HEPHL1: variants seen among roughly 807,000 people sequenced by gnomAD.
The protein encoded by HEPHL1 is hephaestin like 1.
In HEPHL1, 123 loss-of-function variants were observed where a neutral mutation model predicts 122.0. That is an observed-to-expected ratio of 1.01 (90% CI 0.87 to 1.17). The LOEUF is 1.17. Among genes scored for constraint, HEPHL1 ranks in the 50% most tolerant of loss-of-function variants. HEPHL1 has a pLI of 0.00. For missense variants in HEPHL1, 1,452 were observed against 1,430.5 expected, an observed-to-expected ratio of 1.01 and a Z score of -0.24; for synonymous variants, 527 against 508.9, an observed-to-expected ratio of 1.04 and a Z score of -0.48.
intron 5 of HEPHL1, 136 bp from the exon 6 acceptor site, chr11:94,070,238 T>A (rs1946062906): frequency 1.4e-6 from 1 of 722,144 alleles, no homozygotes; most frequent in African/African-American, 1.8e-5. Flanking sequence ...TTATCCTTTT[T>A]AAAAAAACTT....
intron 13 of HEPHL1, among the ~76,000 whole-genome samples, chr11:94,097,525 T>A (rs1946327980): frequency 6.6e-6 from 1 of 152,230 alleles, no homozygotes; most frequent in African/African-American, 2.4e-5. Flanking sequence ...TGTAGGTGTC[T>A]ATCAGCTCTG....
At chr11:94,084,363 AATAAATAAATAAATAT>A (rs1946199075) in intron 10 of HEPHL1, among the ~76,000 whole-genome samples, 1 of 148,912 alleles carries the variant, frequency 6.7e-6, no homozygotes, top group African/African-American at 2.5e-5. Context: ...TAAATAAATA[AATAAATAAATAAATAT>A]ATAAATACAG....
intron 1 of HEPHL1, among the ~76,000 whole-genome samples, chr11:94,028,423 C>T (rs1179246846): frequency 6.6e-6 from 1 of 152,158 alleles, no homozygotes; most frequent in African/African-American, 2.4e-5. Context: ...ACCTGGAAGT[C>T]CAACTCTGTA....
At chr11:94,038,291 A>T (rs1247903685) in intron 1 of HEPHL1, among the ~76,000 whole-genome samples, 1 of 147,028 alleles carries the variant, frequency 6.8e-6, no homozygotes, top group Non-Finnish European at 1.5e-5. Context: ...GTTGGAAAAC[A>T]CTCTGCAGGA....
chr11:94,078,831 A>T (rs1565356575), intron 9 of HEPHL1, among the ~76,000 whole-genome samples: 2 of 152,082 alleles, frequency 1.3e-5, no homozygotes, highest in Non-Finnish European at 2.9e-5. Context: ...CAGTCTACTG[A>T]TTCAATTGTT....
intron 1 of HEPHL1, among the ~76,000 whole-genome samples, chr11:94,030,012 A>C (rs1328223117): frequency 6.6e-6 from 1 of 152,218 alleles, no homozygotes; most frequent in Non-Finnish European, 1.5e-5. Context: ...ATGCATCTGC[A>C]TGTGTGTATA....
intron 2 of HEPHL1, among the ~76,000 whole-genome samples, chr11:94,061,326 T>C (rs991676443): frequency 1.3e-5 from 2 of 152,108 alleles, no homozygotes; most frequent in Non-Finnish European, 2.9e-5. Flanking sequence ...TGGGTGGCAC[T>C]GTGGGGATGA....
chr11:94,043,422 C>A (rs1945804901), intron 1 of HEPHL1, among the ~76,000 whole-genome samples: 1 of 151,896 alleles, frequency 6.6e-6, no homozygotes, highest in Non-Finnish European at 1.5e-5. Flanking sequence ...TCATGGTGGC[C>A]CAGGGTAGGC....
Position 94,064,392 on chromosome 11 carries a change from T to C in HEPHL1, c.690T>C (p.Phe230=), listed in dbSNP as rs764731933. 1 of 1,613,170 alleles carries C rather than the reference T, an allele frequency of 6.2e-7. No homozygotes were observed. The highest frequency in any genetic ancestry group is 8.5e-7 in the Non-Finnish European group (1 of 1,179,246). ...NDVDREFVIM[F]TLVDENQSWY... The stretch of plus-strand genomic sequence containing the variant: ...TGGATCGAGAGTTTGTTATAATGTT[T>C]ACTCTTGTGGATGAGAATCAAAGCT... Residue 230 remains phenylalanine, a synonymous_variant, in exon 4 of 20, where the codon TTT becomes TTC. Transcript: ENST00000315765.
intron 8 of HEPHL1, among the ~76,000 whole-genome samples, chr11:94,073,865 A>C (rs1199802061): frequency 6.6e-6 from 1 of 152,102 alleles, no homozygotes; most frequent in African/African-American, 2.4e-5. Context: ...AATCTTACAC[A>C]TGGTCTTTGC....
intron 1 of HEPHL1, among the ~76,000 whole-genome samples, chr11:94,035,791 C>T (rs1466905160): frequency 6.6e-6 from 1 of 152,218 alleles, no homozygotes; most frequent in African/African-American, 2.4e-5. Flanking sequence ...GGCTGGAGTG[C>T]AGTGGCGCGA....
At chr11:94,036,435 G>T (rs76651803) in intron 1 of HEPHL1, among the ~76,000 whole-genome samples, 2,403 of 152,200 alleles carry the variant, frequency 0.016, 72 homozygotes, top group African/African-American at 0.055. Flanking sequence ...AGGGGTGAGG[G>T]ATGGGAAGAG....
intron 13 of HEPHL1, among the ~76,000 whole-genome samples, chr11:94,098,771 A>C (rs902715957): frequency 2.6e-5 from 4 of 152,064 alleles, no homozygotes; most frequent in African/African-American, 7.2e-5. Flanking sequence ...TTTGATCTTC[A>C]ATCACTGATA....
intron 1 of HEPHL1, among the ~76,000 whole-genome samples, chr11:94,027,413 G>A (rs1436129264): frequency 6.6e-6 from 1 of 152,236 alleles, no homozygotes; most frequent in Non-Finnish European, 1.5e-5. Flanking sequence ...AGCTCTCGTG[G>A]TAGCTCTGCC....
In HEPHL1 at chr11:94,045,865, T is replaced by C; in HGVS notation, c.363T>C (p.Ser121=). 6.2e-7 allele frequency: 1 copy of C among 1,613,928 alleles called. No homozygotes were observed. The highest frequency in any genetic ancestry group is 8.5e-7 in the Non-Finnish European group (1 of 1,179,854). ...VIVIHLKNFA[S]RPYSLHPHGV... is the part of the protein sequence containing the mutation. ...TCATTCATTTAAAGAACTTTGCTTC[T>C]CGACCTTACTCTCTGCATCCACATG... The change falls in exon 2 of 20, where the codon TCT becomes TCC. Residue 121 remains serine (S), a synonymous_variant. Coordinates refer to ENST00000315765, the MANE Select transcript of HEPHL1 (RefSeq NM_001098672.2).
At position 94,112,229 on chromosome 11, in the gene HEPHL1, G is replaced by C. The variant is rs1946456291; in HGVS notation, c.*335G>C. On this transcript the variant is annotated 3_prime_UTR_variant, in exon 20 of 20. Transcript: ENST00000315765. ...TTCCATCTTTTATAATTCTTGAACA[G>C]TGCTTTCTTAGCTAACCACCAAAGT... 5.6e-6 allele frequency: 1 copy of C among 177,298 alleles called. No individual in the cohort carries two copies. Among genetic ancestry groups the C allele is most frequent in the Non-Finnish European group, 1.2e-5 (1 of 85,078 alleles). The allele number at this position is 177,298 out of a possible 1,614,324, so 11.0% of individuals were successfully genotyped here.
intron 18 of HEPHL1, 67 bp downstream of exon 18, chr11:94,111,132 G>C (rs978152953): frequency 2.1e-6 from 3 of 1,407,812 alleles, no homozygotes; most frequent in Non-Finnish European, 2.9e-6. Context: ...AAAACAGGAG[G>C]CATGACAAAA....
At chr11:94,046,034 T>A in intron 2 of HEPHL1, 117 bp downstream of exon 2, 2 of 785,082 alleles carry the variant, frequency 2.5e-6, no homozygotes, top group Non-Finnish European at 3.9e-6. Context: ...ATCTTCTCTC[T>A]GTCTGCTTCT....
chr11:94,090,342 T>C (rs980263182), intron 12 of HEPHL1, among the ~76,000 whole-genome samples: 1 of 152,238 alleles, frequency 6.6e-6, no homozygotes, highest in African/African-American at 2.4e-5. Context: ...ATAATAACTT[T>C]GTCATGTGTA....
Sources: gnomAD v4.1 joint callset for allele counts (sites outside exome capture counted in the v4.1 genomes callset) on GRCh38, gnomAD v4.1.1 for gene constraint, MANE v1.5 for transcripts, NCBI Gene and HGNC (gene_info 2026-07-23, HGNC 2026-07-21) for gene names.